Variants in GLIPR1L1 observed in about 807,000 individuals in gnomAD.
GLIPR1L1 encodes the protein GLIPR1-like protein 1.
Under a neutral mutation model 29.9 loss-of-function variants are expected in GLIPR1L1, and 26 were observed. The ratio of observed to expected loss-of-function variants is 0.87; its 90% CI spans 0.64 to 1.21. The LOEUF is 1.21. Among genes scored for constraint, GLIPR1L1 ranks in the 50% most tolerant of loss-of-function variants. The pLI, the probability that GLIPR1L1 is intolerant of heterozygous loss-of-function variation, is 0.00. For synonymous variants in GLIPR1L1, 77 were observed against 97.5 expected, an observed-to-expected ratio of 0.79 and a Z score of 1.24; for missense variants, 305 against 290.3, an observed-to-expected ratio of 1.05 and a Z score of -0.37.
At chr12:75,341,790 C>T (rs184401451) in intron 1 of GLIPR1L1, among the ~76,000 whole-genome samples, 1 of 141,364 alleles carries the variant, frequency 7.1e-6, no homozygotes, top group Admixed American at 7.2e-5. Context: ...GTCTCTGTCA[C>T]CCAGACTGGA....
chr12:75,335,685 CTACTG>C (rs541856144), intron 1 of GLIPR1L1, among the ~76,000 whole-genome samples: 58 of 152,072 alleles, frequency 3.8e-4, no homozygotes, highest in African/African-American at 1.3e-3. Context: ...CTGTACTAGT[CTACTG>C]TATAAGAAAA....
chr12:75,345,086 G>C (rs11834186), intron 2 of GLIPR1L1, among the ~76,000 whole-genome samples: 51 of 152,182 alleles, frequency 3.4e-4, no homozygotes, highest in African/African-American at 1.1e-3. Context: ...CATTGTCCTA[G>C]TGTGTCACTG....
At chr12:75,360,688 A>G (rs1387918331) in intron 3 of GLIPR1L1, 1 of 152,194 alleles carries the variant, frequency 6.6e-6, no homozygotes, top group Admixed American at 6.6e-5. Flanking sequence ...TTGATCTACC[A>G]TTCTGAGGTC....
At chr12:75,348,496 A>G (rs2042597060) in intron 3 of GLIPR1L1, among the ~76,000 whole-genome samples, 1 of 152,232 alleles carries the variant, frequency 6.6e-6, no homozygotes, top group South Asian at 2.1e-4. Flanking sequence ...TAGAGTTTTT[A>G]TAGATTCAGA....
Position 75,347,803 on chromosome 12 carries a change from C to T in GLIPR1L1, c.521+81C>T, listed in dbSNP as rs11180472. On this transcript the variant is annotated intron_variant, in intron 3 of 5. Coordinates refer to ENST00000378695, the MANE Select transcript of GLIPR1L1 (RefSeq NM_001304964.2). ...CCAAATAAGAGGACCTTATACTAGA[C>T]ACAAGTGTATTTTTGATAAGTAATG... 4.5e-3 allele frequency: 3,331 copies of T among 747,174 alleles called. 72 individuals are homozygous for T. The African/African-American group carries it at 0.054, about 12-fold the overall frequency. The allele number at this position is 747,174 out of a possible 1,614,324, so 46.3% of individuals were successfully genotyped here.
intron 4 of GLIPR1L1, chr12:75,369,511 A>G (rs545827854): frequency 4.1e-6 from 4 of 978,574 alleles, no homozygotes. Flanking sequence ...TGCTATTAGA[A>G]TGGTAAACTG....
chr12:75,363,300 CTGT>C (rs1222218568), intron 4 of GLIPR1L1, 110 bp downstream of exon 4: 9 of 437,814 alleles, frequency 2.1e-5, no homozygotes, highest in Admixed American at 4.4e-5. Context: ...CAAGATTTGA[CTGT>C]TGTTATCTTA....
At chr12:75,342,064 G>T (rs943557095) in intron 1 of GLIPR1L1, among the ~76,000 whole-genome samples, 1 of 152,056 alleles carries the variant, frequency 6.6e-6, no homozygotes, top group Non-Finnish European at 1.5e-5. Context: ...CAACATTCTT[G>T]AAATAACAAA....
rs781691819 is a variant in GLIPR1L1 at position 75,334,867 on chromosome 12, A to G, written c.139A>G (p.Lys47Glu). Residue 47 changes from lysine to glutamate, a missense_variant, in exon 1 of 6, where the codon AAA becomes GAA. Physicochemically the swap from Lys to Glu is moderately conservative, Grantham distance 56. Coordinates refer to ENST00000378695, the MANE Select transcript of GLIPR1L1 (RefSeq NM_001304964.2). ...AGAAGCCCACAACGAATGGCGTGGC[A>G]AAGTCAACCCTCCCGCGGCCGACAT... is the stretch of plus-strand genomic sequence containing the variant. ...CIEAHNEWRG[K>E]VNPPAADMKY... 1.2e-6 allele frequency: 2 copies of G among 1,614,164 alleles called. No individual in the cohort carries two copies. The highest frequency in any genetic ancestry group is 1.7e-6 in the Non-Finnish European group (2 of 1,180,020).
At chr12:75,343,611 A>T in intron 1 of GLIPR1L1, 82 bp from the exon 2 acceptor site, 1 of 1,095,232 alleles carries the variant, frequency 9.1e-7, no homozygotes, top group Non-Finnish European at 1.3e-6. Context: ...AATTTAAGCA[A>T]AACTTAGTTG....
intron 2 of GLIPR1L1, among the ~76,000 whole-genome samples, chr12:75,345,966 C>G (rs1006331453): frequency 1.3e-5 from 2 of 152,178 alleles, no homozygotes; most frequent in African/African-American, 4.8e-5. Flanking sequence ...ATAAAATCAA[C>G]AACTATATCT....
At chr12:75,351,830 A>G (rs1218760143) in intron 3 of GLIPR1L1, among the ~76,000 whole-genome samples, 1 of 152,186 alleles carries the variant, frequency 6.6e-6, no homozygotes, top group Admixed American at 6.5e-5. Flanking sequence ...TACAGGCATG[A>G]GCCATCGTGC....
intron 3 of GLIPR1L1, among the ~76,000 whole-genome samples, chr12:75,356,324 A>G (rs571842193): frequency 6.6e-6 from 1 of 152,282 alleles, no homozygotes; most frequent in South Asian, 2.1e-4. Flanking sequence ...ACTGGAGATG[A>G]TAAGTTTGTG....
chr12:75,363,207 A>G lies in GLIPR1L1; in HGVS notation c.610+17A>G, dbSNP rs1352395612. 4 of 1,162,960 alleles carry G rather than the reference A, an allele frequency of 3.4e-6. No individual in the cohort carries two copies. Among genetic ancestry groups the G allele is most frequent in the Non-Finnish European group, 4.7e-6 (4 of 855,626 alleles). The allele number at this position is 1,162,960 out of a possible 1,614,324, so 72.0% of individuals were successfully genotyped here. The stretch of plus-strand genomic sequence containing the variant: ...ACCTCTGCAGTAAGCAAAAATATAT[A>G]TATATAATTACATTTAGAGAGTAAA... On this transcript the variant is annotated intron_variant, in intron 4 of 5. Coordinates refer to ENST00000378695, the MANE Select transcript of GLIPR1L1 (RefSeq NM_001304964.2).
At chr12:75,359,048 T>C (rs1278434531) in intron 3 of GLIPR1L1, among the ~76,000 whole-genome samples, 1 of 150,360 alleles carries the variant, frequency 6.7e-6, no homozygotes, top group Non-Finnish European at 1.5e-5. Flanking sequence ...TGATTGCTAC[T>C]GTATAGAAAA....
chr12:75,341,443 T>C (rs78188553), intron 1 of GLIPR1L1, among the ~76,000 whole-genome samples: 5,761 of 151,632 alleles, frequency 0.038, 126 homozygotes, highest in East Asian at 0.051. Flanking sequence ...AACATTCTTT[T>C]TTTCTTTTTC....
At chr12:75,355,259 C>A (rs2043077931) in intron 3 of GLIPR1L1, among the ~76,000 whole-genome samples, 1 of 152,124 alleles carries the variant, frequency 6.6e-6, no homozygotes, top group Admixed American at 6.5e-5. Context: ...CCAGAATCTA[C>A]AAGGAACTTA....
intron 4 of GLIPR1L1, among the ~76,000 whole-genome samples, chr12:75,366,011 C>A (rs954622336): frequency 2.0e-5 from 3 of 152,044 alleles, no homozygotes; most frequent in Non-Finnish European, 2.9e-5. Flanking sequence ...TCCACTTGAT[C>A]AATAAACAAA....
At position 75,342,302 on chromosome 12, in the gene GLIPR1L1, G is replaced by A. The variant is rs113703043; in HGVS notation, c.175-1391G>A. On this transcript the variant is annotated intron_variant, in intron 1 of 5. Coordinates refer to ENST00000378695, the MANE Select transcript of GLIPR1L1 (RefSeq NM_001304964.2). ...GTAAAACTGTTGAAATCTTTAAAAG[G>A]TCTGTAGATAATACCAATGTCAATT... Among the ~76,000 whole-genome samples, 433 of 152,202 alleles carry A rather than the reference G, an allele frequency of 2.8e-3. 3 individuals are homozygous for A. The highest frequency in any genetic ancestry group is 0.01 in the African/African-American group (419 of 41,552).
Sources: gnomAD v4.1 joint callset for allele counts (sites outside exome capture counted in the v4.1 genomes callset) on GRCh38, gnomAD v4.1.1 for gene constraint, MANE v1.5 for transcripts, NCBI Gene and HGNC (gene_info 2026-07-23, HGNC 2026-07-21) for gene names.